The following GPR155 variants were observed in gnomAD, a reference collection of about 807,000 sequenced individuals.
The protein encoded by GPR155 is G protein-coupled receptor 155.
A neutral mutation model predicts 93.1 loss-of-function variants in GPR155; 65 were observed. The observed-to-expected ratio is 0.70, with a 90% CI of 0.57 to 0.86. The LOEUF (loss-of-function observed/expected upper bound fraction) is 0.86. Among genes scored for constraint, GPR155 ranks in the 40% least tolerant of loss-of-function variants. GPR155 has a pLI of 0.00. For missense variants in GPR155, 838 were observed against 1,034.8 expected (o/e 0.81, Z 2.61); for synonymous variants, 319 against 360.1 (o/e 0.89, Z 1.29).
intron 2 of GPR155, among the ~76,000 whole-genome samples, chr2:174,480,681 G>T (rs1199994131): frequency 1.3e-5 from 2 of 151,856 alleles, no homozygotes; most frequent in Admixed American, 6.6e-5. Flanking sequence ...AGTTAGAAAG[G>T]TAAAAAAGCT....
intron 10 of GPR155, among the ~76,000 whole-genome samples, chr2:174,457,350 GAAGAA>G (rs1244042533): frequency 1.3e-5 from 2 of 152,162 alleles, no homozygotes; most frequent in African/African-American, 4.8e-5. Context: ...CAAAAGAAGA[GAAGAA>G]GAGAAGAGAA....
chr2:174,474,768 T>C (rs1688094604), intron 2 of GPR155, among the ~76,000 whole-genome samples: 1 of 152,150 alleles, frequency 6.6e-6, no homozygotes, highest in South Asian at 2.1e-4. Flanking sequence ...ATCAGACTTC[T>C]AGCAGTTTCC....
intron 11 of GPR155, among the ~76,000 whole-genome samples, chr2:174,449,880 A>G (rs1407486406): frequency 5.9e-5 from 9 of 152,068 alleles, no homozygotes; most frequent in African/African-American, 2.2e-4. Context: ...GGAGGCTGAG[A>G]CAGGAGAATT....
At position 174,454,141 on chromosome 2, in the gene GPR155, G is replaced by T. The variant is rs540842632; in HGVS notation, c.1772-300C>A. Among the ~76,000 whole-genome samples the T allele has an allele frequency of 3.8e-3, 576 of 152,058 alleles. 3 individuals are homozygous for T. Among genetic ancestry groups the T allele is most frequent in the African/African-American group, 0.013 (540 of 41,486 alleles). On this transcript the variant is annotated intron_variant, in intron 10 of 15. Transcript: ENST00000392552. ...CTAGGATTTTGTTTTGTTTTGTTCT[G>T]TTTTTTTGTTTTTTGAGGTGGAGTC...
chr2:174,441,511 C>T (rs1480902618), intron 14 of GPR155, among the ~76,000 whole-genome samples: 1 of 151,660 alleles, frequency 6.6e-6, no homozygotes, highest in Non-Finnish European at 1.5e-5. Flanking sequence ...TATACATGTG[C>T]CATGTTGGTG....
chr2:174,470,662 T>C (rs1213693290), intron 3 of GPR155, 107 bp from the exon 4 acceptor site: 10 of 859,760 alleles, frequency 1.2e-5, no homozygotes, highest in Non-Finnish European at 1.8e-5. Flanking sequence ...CCAGAAGGTA[T>C]GTCTATTTGC....
chr2:174,439,945 G>A lies in GPR155; in HGVS notation c.2265C>T (p.Ile755=), dbSNP rs952611112. 3.7e-6 allele frequency: 6 copies of A among 1,612,816 alleles called. No individual in the cohort carries two copies. In the African/African-American group the frequency reaches 4.0e-5, roughly 11 times the overall value. ...GGATACAGAGGTCACGGTGATAATG[G>A]ATAAATTGTTGACAGGTCATTTTTA... ...EEIKMTCQQF[I]HYHRDLCIRN... Residue 755 remains isoleucine (I), a synonymous_variant, in exon 15 of 16, where the codon ATC becomes ATT. Transcript: ENST00000392552.
At chr2:174,465,734 A>T (rs1277925676) in intron 7 of GPR155, 51 bp downstream of exon 7, 1 of 872,780 alleles carries the variant, frequency 1.1e-6, no homozygotes, top group Non-Finnish European at 1.9e-6. Context: ...GCTATTAGGA[A>T]TGGGGTGGGG....
At chr2:174,465,986 C>G in intron 6 of GPR155, 84 bp from the exon 7 acceptor site, 1 of 644,528 alleles carries the variant, frequency 1.6e-6, no homozygotes, top group African/African-American at 1.8e-5. Flanking sequence ...TCCAATTAAG[C>G]CAGCCATATT....
chr2:174,463,489 C>G (rs1438481237), intron 7 of GPR155, among the ~76,000 whole-genome samples: 1 of 152,226 alleles, frequency 6.6e-6, no homozygotes, highest in East Asian at 1.9e-4. Flanking sequence ...GCATGAGCCA[C>G]TGTGCCTGGC....
chr2:174,431,971 T>G lies in GPR155; in HGVS notation c.*4145A>C, dbSNP rs1686655520. 6.6e-6 allele frequency: 1 copy of G among 152,208 alleles called. No homozygotes were observed. Among genetic ancestry groups the G allele is most frequent in the East Asian group, 1.9e-4 (1 of 5,206 alleles). The allele number at this position is 152,208 out of a possible 1,614,324, so 9.4% of individuals were successfully genotyped here. On this transcript the variant is annotated 3_prime_UTR_variant, in exon 16 of 16. Transcript: ENST00000392552. ...ATTGACTATGCTGAAGAAAAAGAGATAGGTTTTAATCAAAATTTTATCATT... is the reference window on the plus strand; with the variant it reads ...ATTGACTATGCTGAAGAAAAAGAGAGAGGTTTTAATCAAAATTTTATCATT...
intron 6 of GPR155, among the ~76,000 whole-genome samples, chr2:174,466,210 T>C (rs12151707): frequency 0.16 from 24,746 of 152,144 alleles, 2,349 homozygotes; most frequent in South Asian, 0.28. Flanking sequence ...TACATTAAAA[T>C]TGCTAAAGTT....
chr2:174,481,964 C>T lies in GPR155; in HGVS notation c.-8G>A, dbSNP rs1688338658. On this transcript the variant is annotated 5_prime_UTR_variant, in exon 2 of 16. An upstream open reading frame in the 5' UTR loses its in-frame stop. Transcript: ENST00000392552. ...AGGTAAATTAGAATTCATTTTCTCT[C>T]ACCCTCCAACTCCAACCAGATCTCT... The T allele has an allele frequency of 6.4e-7, 1 of 1,569,668 alleles. No individual in the cohort carries two copies. Among genetic ancestry groups the T allele is most frequent in the Non-Finnish European group, 8.8e-7 (1 of 1,142,800 alleles).
In GPR155 at chr2:174,432,161, A is replaced by G. The variant is rs1439998863; in HGVS notation, c.*3955T>C. On this transcript the variant is annotated 3_prime_UTR_variant, in exon 16 of 16. Coordinates refer to ENST00000392552, the MANE Select transcript of GPR155 (RefSeq NM_152529.7). ...GAACTCAGGAAACCCATTTAAGAAA[A>G]CATTGAGAATGTATAGAAAAGACCT... 1 of 152,622 alleles carries G rather than the reference A, an allele frequency of 6.6e-6. No individual in the cohort carries two copies. The highest frequency in any genetic ancestry group is 2.4e-5 in the African/African-American group (1 of 41,444). The allele number at this position is 152,622 out of a possible 1,614,324, so 9.5% of individuals were successfully genotyped here.
At chr2:174,483,177 A>G (rs972964820) in intron 1 of GPR155, 4 of 149,868 alleles carry the variant, frequency 2.7e-5, no homozygotes, top group Non-Finnish European at 5.9e-5. Flanking sequence ...CACGAGACAG[A>G]AAAAAAAATT....
chr2:174,486,120 A>C (rs937195808), intron 1 of GPR155, among the ~76,000 whole-genome samples: 19 of 152,218 alleles, frequency 1.2e-4, no homozygotes, highest in Admixed American at 6.5e-5. Flanking sequence ...AGTGTAATAC[A>C]GTGTGGTACT....
chr2:174,480,982 T>C lies in GPR155; in HGVS notation c.460+515A>G, dbSNP rs149631486. Among the ~76,000 whole-genome samples, 428 of 152,294 alleles carry C rather than the reference T, an allele frequency of 2.8e-3. 1 individual carries two copies. Among genetic ancestry groups the C allele is most frequent in the Admixed American group, 5.5e-3 (84 of 15,288 alleles). ...TTTATACAGACGAGGTTTCACCCTG[T>C]TGCCCAGGCTGGTCTCGAACTCCTA... On this transcript the variant is annotated intron_variant, in intron 2 of 15. Coordinates refer to ENST00000392552, the MANE Select transcript of GPR155 (RefSeq NM_152529.7).
Position 174,470,395 on chromosome 2 carries a change from C to T in GPR155, c.1021G>A (p.Glu341Lys). The T allele has an allele frequency of 6.2e-7, 1 of 1,611,848 alleles. No homozygotes were observed. The highest frequency in any genetic ancestry group is 8.5e-7 in the Non-Finnish European group (1 of 1,178,356). ...IFATQFNMEV[E>K]IITSGMVIST... The stretch of plus-strand genomic sequence containing the variant: ...AGAAAGTACTATATACATACAATTT[C>T]TACTTCCATGTTGAATTGTGTTGCA... Residue 341 changes from glutamate to lysine, a missense_variant, in exon 4 of 16, where the codon GAA (glutamate) becomes AAA (lysine). Transcript: ENST00000392552.
intron 12 of GPR155, chr2:174,445,508 T>C (rs1687094453): frequency 5.8e-6 from 1 of 171,958 alleles, no homozygotes; most frequent in Non-Finnish European, 1.2e-5. Flanking sequence ...TGAAAACAAT[T>C]ACATCACTAA....
Sources: allele counts gnomAD v4.1 joint callset (sites outside exome capture counted in the v4.1 genomes callset), GRCh38; gene constraint gnomAD v4.1.1; transcripts MANE v1.5; gene names NCBI Gene and HGNC (gene_info 2026-07-23, HGNC 2026-07-21).